FTO: variants seen among roughly 807,000 people sequenced by gnomAD.
FTO encodes the protein FTO alpha-ketoglutarate dependent dioxygenase, also known as alpha-ketoglutarate-dependent dioxygenase FTO.
In FTO, 47 loss-of-function variants were observed where a neutral mutation model predicts 63.9. The observed-to-expected ratio is 0.74, with a 90% CI of 0.58 to 0.94. The LOEUF (loss-of-function observed/expected upper bound fraction) is 0.94, where lower values mean the gene tolerates loss of function less well. Among genes scored for constraint, FTO ranks in the 40% least tolerant of loss-of-function variants. The pLI, the probability that FTO is intolerant of heterozygous loss-of-function variation, is 0.00. For synonymous variants in FTO, 207 were observed against 224.4 expected, an observed-to-expected ratio of 0.92 and a Z score of 0.69; for missense variants, 562 against 618.1, an observed-to-expected ratio of 0.91 and a Z score of 0.96.
chr16:53,940,546 C>T (rs147809515), intron 8 of FTO, among the ~76,000 whole-genome samples: 200 of 152,276 alleles, frequency 1.3e-3, no homozygotes, highest in African/African-American at 4.3e-3. Flanking sequence ...TTCAACATTG[C>T]ACACTGGATA....
At chr16:54,076,080 C>G (rs1323103734) in intron 8 of FTO, among the ~76,000 whole-genome samples, 1 of 152,152 alleles carries the variant, frequency 6.6e-6, no homozygotes, top group Non-Finnish European at 1.5e-5. Context: ...ATCAATATCC[C>G]TCTTCCTGAT....
chr16:53,724,032 G>A (rs1231047165), intron 1 of FTO, among the ~76,000 whole-genome samples: 3 of 152,184 alleles, frequency 2.0e-5, no homozygotes, highest in African/African-American at 7.2e-5. Flanking sequence ...TGGGATATAT[G>A]GAAAGATAGA....
At chr16:53,830,033 A>G (rs1405420433) in intron 3 of FTO, among the ~76,000 whole-genome samples, 3 of 152,240 alleles carry the variant, frequency 2.0e-5, no homozygotes, top group African/African-American at 7.2e-5. Context: ...TTGAAGCTTA[A>G]GATCTTTCAA....
chr16:54,068,073 GC>G lies in FTO; in HGVS notation c.1365-43687del, dbSNP rs139495765. ...TCTAAATTTGTCTTTTTCAATACCT[GC>G]CTGTGTGCTACCTTCAGCTTGCACA... is the stretch of plus-strand genomic sequence containing the variant. On this transcript the variant is annotated intron_variant, in intron 8 of 8. Coordinates refer to ENST00000471389, the MANE Select transcript of FTO (RefSeq NM_001080432.3). 3.4e-3 allele frequency among the ~76,000 whole-genome samples: 511 copies of G among 151,416 alleles called. 5 individuals carry two copies. Among genetic ancestry groups the G allele is most frequent in the African/African-American group, 0.012 (487 of 41,228 alleles).
intron 1 of FTO, among the ~76,000 whole-genome samples, chr16:53,735,086 G>A (rs1015149069): frequency 1.1e-4 from 16 of 152,244 alleles, no homozygotes; most frequent in African/African-American, 3.1e-4. Context: ...AATAGCTGTT[G>A]AGTAGGCAGC....
intron 1 of FTO, among the ~76,000 whole-genome samples, chr16:53,774,085 G>A (rs1225373381): frequency 2.6e-5 from 4 of 152,052 alleles, no homozygotes; most frequent in Non-Finnish European, 5.9e-5. Context: ...CAATTTCAAC[G>A]TTTATTTTAG....
intron 1 of FTO, among the ~76,000 whole-genome samples, chr16:53,778,495 A>T (rs956331888): frequency 6.6e-6 from 1 of 152,200 alleles, no homozygotes; most frequent in African/African-American, 2.4e-5. Flanking sequence ...CGTCAGTGGA[A>T]ATGTCCACAC....
intron 8 of FTO, among the ~76,000 whole-genome samples, chr16:53,985,331 G>A (rs1159176943): frequency 6.6e-6 from 1 of 152,188 alleles, no homozygotes; most frequent in African/African-American, 2.4e-5. Flanking sequence ...ACTAGCTGTG[G>A]TGGCGAAGAT....
chr16:53,879,083 C>T (rs1358300852), intron 5 of FTO, among the ~76,000 whole-genome samples: 2 of 152,196 alleles, frequency 1.3e-5, no homozygotes, highest in Non-Finnish European at 2.9e-5. Flanking sequence ...TCTTTCCTAT[C>T]TTTAGTCTCA....
chr16:53,767,050 A>T (rs1024181774), intron 1 of FTO, among the ~76,000 whole-genome samples: 1 of 152,164 alleles, frequency 6.6e-6, no homozygotes, highest in Non-Finnish European at 1.5e-5. Context: ...GATATTGATT[A>T]AGTGTCTGAT....
intron 4 of FTO, among the ~76,000 whole-genome samples, chr16:53,860,552 T>C (rs939805562): frequency 1.5e-4 from 23 of 152,230 alleles, no homozygotes; most frequent in African/African-American, 4.6e-4. Context: ...TAAAATTATG[T>C]TGGAAAGCAA....
chr16:53,735,687 AATGGC>A (rs1322001759), intron 1 of FTO, among the ~76,000 whole-genome samples: 3 of 152,234 alleles, frequency 2.0e-5, no homozygotes, highest in African/African-American at 7.2e-5. Context: ...GCAGAGTGTA[AATGGC>A]ATTGTCTTTG....
At chr16:53,706,876 C>T (rs1316977338) in intron 1 of FTO, among the ~76,000 whole-genome samples, 1 of 152,102 alleles carries the variant, frequency 6.6e-6, no homozygotes, top group African/African-American at 2.4e-5. Context: ...CTGTTTTTAC[C>T]ATTCATGTAT....
chr16:53,798,542 T>A (rs574842045), intron 1 of FTO, among the ~76,000 whole-genome samples: 82 of 152,264 alleles, frequency 5.4e-4, no homozygotes, highest in African/African-American at 1.9e-3. Flanking sequence ...ACATGGTATT[T>A]AAAAAAACTT....
chr16:53,934,208 G>A, intron 8 of FTO, 99 bp downstream of exon 8: 4 of 1,337,480 alleles, frequency 3.0e-6, no homozygotes, highest in Non-Finnish European at 4.3e-6. Flanking sequence ...TTTCCTTTGA[G>A]GGCCCATGAA....
At chr16:54,035,921 C>G (rs1039428108) in intron 8 of FTO, among the ~76,000 whole-genome samples, 3 of 151,962 alleles carry the variant, frequency 2.0e-5, no homozygotes, top group African/African-American at 7.3e-5. Flanking sequence ...GTTTTGAGGT[C>G]GGGATTTTGT....
At chr16:53,968,385 T>C (rs1325121106) in intron 8 of FTO, among the ~76,000 whole-genome samples, 8 of 152,210 alleles carry the variant, frequency 5.3e-5, no homozygotes, top group African/African-American at 1.9e-4. Context: ...CATATGGCTT[T>C]TTAAGTTTCA....
At chr16:54,094,722 C>T (rs1262960281) in intron 8 of FTO, among the ~76,000 whole-genome samples, 2 of 152,308 alleles carry the variant, frequency 1.3e-5, no homozygotes, top group East Asian at 3.9e-4. Context: ...CCCTCCCTCC[C>T]AGCCCCAGAG....
chr16:54,039,966 G>A (rs1438352146), intron 8 of FTO: 1 of 152,174 alleles, frequency 6.6e-6, no homozygotes, highest in Non-Finnish European at 1.5e-5. Context: ...AAGGCCAAGT[G>A]TTGTGAGCCA....
Sources: gnomAD v4.1 joint callset for allele counts (sites outside exome capture counted in the v4.1 genomes callset) on GRCh38, gnomAD v4.1.1 for gene constraint, MANE v1.5 for transcripts, NCBI Gene and HGNC (gene_info 2026-07-23, HGNC 2026-07-21) for gene names.